FMNL2: variants seen among roughly 807,000 people sequenced by gnomAD.
FMNL2 encodes the protein formin like 2, also known as formin-like protein 2.
A neutral mutation model predicts 130.2 loss-of-function variants in FMNL2; 51 were observed. That is an observed-to-expected ratio of 0.39 (90% CI 0.31 to 0.49). The LOEUF is 0.49. FMNL2 is among the 20% of genes least tolerant of loss of function. The pLI, the probability that FMNL2 is intolerant of heterozygous loss-of-function variation, is 0.85. For synonymous variants in FMNL2, 465 were observed against 467.1 expected, an observed-to-expected ratio of 1.00 and a Z score of 0.06; for missense variants, 977 against 1,316.2, an observed-to-expected ratio of 0.74 and a Z score of 3.99.
intron 6 of FMNL2, among the ~76,000 whole-genome samples, chr2:152,574,434 CAAAAAAAA>C (rs57776446): frequency 2.8e-5 from 3 of 106,962 alleles, no homozygotes; most frequent in Admixed American, 1.0e-4. Flanking sequence ...GACTCTGTCT[CAAAAAAAA>C]AAAAAAAAAA....
chr2:152,564,571 C>T (rs894576464), intron 6 of FMNL2, among the ~76,000 whole-genome samples: 33 of 151,876 alleles, frequency 2.2e-4, no homozygotes, highest in Admixed American at 1.3e-4. Context: ...AAAAACAACA[C>T]CAACAACAAA....
At chr2:152,400,453 T>A (rs1024760091) in intron 1 of FMNL2, among the ~76,000 whole-genome samples, 18 of 150,104 alleles carry the variant, frequency 1.2e-4, no homozygotes, top group Non-Finnish European at 2.4e-4. Flanking sequence ...ACAAAAAAAA[T>A]AAAAAAAATA....
intron 1 of FMNL2, among the ~76,000 whole-genome samples, chr2:152,346,950 G>A (rs1682158939): frequency 6.6e-6 from 1 of 151,268 alleles, no homozygotes; most frequent in South Asian, 2.1e-4. Context: ...AATTAGCTGG[G>A]CATAGTGGCA....
chr2:152,452,417 G>A (rs1688692754), intron 1 of FMNL2, among the ~76,000 whole-genome samples: 1 of 152,200 alleles, frequency 6.6e-6, no homozygotes, highest in African/African-American at 2.4e-5. Context: ...GTCGCCATTG[G>A]AAGTCTAGTC....
intron 1 of FMNL2, chr2:152,390,210 T>A (rs1685029164): frequency 1.4e-6 from 2 of 1,438,954 alleles, no homozygotes; most frequent in African/African-American, 2.8e-5. Context: ...CCGTGTAAAC[T>A]TCCGGCTGAA....
At chr2:152,464,087 G>A (rs1001071784) in intron 1 of FMNL2, among the ~76,000 whole-genome samples, 1 of 152,000 alleles carries the variant, frequency 6.6e-6, no homozygotes, top group Admixed American at 6.6e-5. Flanking sequence ...CATATGCAAC[G>A]ATGCCTGGCT....
chr2:152,620,445 C>A (rs545421678), intron 15 of FMNL2, among the ~76,000 whole-genome samples: 1 of 152,046 alleles, frequency 6.6e-6, no homozygotes, highest in Non-Finnish European at 1.5e-5. Context: ...TTTTGACTCA[C>A]GGAAACAAAG....
intron 1 of FMNL2, among the ~76,000 whole-genome samples, chr2:152,346,128 G>A (rs1178085668): frequency 6.6e-5 from 10 of 151,948 alleles, no homozygotes; most frequent in Non-Finnish European, 7.4e-5. Flanking sequence ...GGGTTCAAGC[G>A]ATTCTCCTGC....
At chr2:152,624,572 C>T (rs1681641012) in intron 15 of FMNL2, among the ~76,000 whole-genome samples, 1 of 152,114 alleles carries the variant, frequency 6.6e-6, no homozygotes, top group Non-Finnish European at 1.5e-5. Flanking sequence ...GGCAAGATGG[C>T]TCACGCCTGT....
At chr2:152,597,911 C>A (rs771200522) in intron 9 of FMNL2, among the ~76,000 whole-genome samples, 1 of 152,160 alleles carries the variant, frequency 6.6e-6, no homozygotes, top group Non-Finnish European at 1.5e-5. Flanking sequence ...TGGGGAAAAG[C>A]AAAGATGAAA....
intron 1 of FMNL2, among the ~76,000 whole-genome samples, chr2:152,394,210 C>T (rs974664084): frequency 1.3e-5 from 2 of 151,994 alleles, no homozygotes; most frequent in South Asian, 2.1e-4. Flanking sequence ...TTCTTACTAA[C>T]GATCATATCC....
intron 6 of FMNL2, among the ~76,000 whole-genome samples, chr2:152,568,994 A>G (rs993935191): frequency 1.3e-5 from 2 of 152,096 alleles, no homozygotes; most frequent in African/African-American, 4.8e-5. Context: ...TTTCATAGAC[A>G]CACCACTTAG....
intron 4 of FMNL2, among the ~76,000 whole-genome samples, chr2:152,550,634 G>A (rs1267709579): frequency 2.6e-5 from 4 of 152,214 alleles, no homozygotes; most frequent in Non-Finnish European, 5.9e-5. Context: ...TCAGGGATCT[G>A]GGATCAAAGC....
rs201793844 is a variant in FMNL2 at position 152,629,666 on chromosome 2, C to G, written c.2411C>G (p.Ala804Gly). 1.3e-6 allele frequency: 2 copies of G among 1,597,778 alleles called. No individual in the cohort carries two copies. The highest frequency in any genetic ancestry group is 1.7e-6 in the Non-Finnish European group (2 of 1,171,556). ...TTGATTGGAATCTAGCAACTACATGCGATTATAGCAGCATCTGTCTCTATA... is the reference window on the plus strand; with the variant it reads ...TTGATTGGAATCTAGCAACTACATGGGATTATAGCAGCATCTGTCTCTATA... ...SIQMLTPQLH[A>G]IIAASVSIKS... Residue 804 changes from alanine (A) to glycine (G), a missense_variant, in exon 19 of 26, where the codon GCG becomes GGG. Around this residue, in one of 4 missense-constraint regions of FMNL2, gnomAD observed 689 missense variants for 995.9 expected, o/e 0.69. Transcript: ENST00000288670.
At chr2:152,627,472 G>A (rs998767312) in intron 17 of FMNL2, among the ~76,000 whole-genome samples, 1 of 152,138 alleles carries the variant, frequency 6.6e-6, no homozygotes, top group Non-Finnish European at 1.5e-5. Context: ...AGGCTTCGAG[G>A]TGTAAATGAC....
rs111469572 is a variant in FMNL2 at position 152,464,086 on chromosome 2, C to T, written c.118-57857C>T. 7.8e-3 allele frequency among the ~76,000 whole-genome samples: 1,180 copies of T among 152,174 alleles called. 10 individuals carry two copies. Among genetic ancestry groups the T allele is most frequent in the African/African-American group, 0.024 (989 of 41,530 alleles). On this transcript the variant is annotated intron_variant, in intron 1 of 25. Coordinates refer to ENST00000288670, the MANE Select transcript of FMNL2 (RefSeq NM_052905.4). The stretch of plus-strand genomic sequence containing the variant: ...TAGCTGGGTTTACAGGCATATGCAA[C>T]GATGCCTGGCTAATTTTTTATTTTT...
At chr2:152,365,358 A>G (rs1050236302) in intron 1 of FMNL2, among the ~76,000 whole-genome samples, 1 of 152,142 alleles carries the variant, frequency 6.6e-6, no homozygotes, top group East Asian at 1.9e-4. Context: ...TGCTATGGCT[A>G]GAAGAACATA....
chr2:152,362,745 T>C (rs892447683), intron 1 of FMNL2, among the ~76,000 whole-genome samples: 1 of 152,198 alleles, frequency 6.6e-6, no homozygotes, highest in African/African-American at 2.4e-5. Context: ...AAATATCACT[T>C]AATACCTTAT....
In FMNL2 at chr2:152,636,473, A is replaced by T; in HGVS notation, c.2727A>T (p.Gly909=). Residue 909 remains glycine (G), a synonymous_variant, in exon 22 of 26, where the codon GGA becomes GGT. Coordinates refer to ENST00000288670, the MANE Select transcript of FMNL2 (RefSeq NM_052905.4). ...TGGATGTCAAGGAGCTCCAGAGGGG[A>T]ATGGACTTGACCAAGAGAGAGTACA... ...VLLDVKELQR[G]MDLTKREYTM... 5.0e-6 allele frequency: 8 copies of T among 1,612,170 alleles called. No individual in the cohort carries two copies. The African/African-American group carries it at 5.3e-5, about 11-fold the overall frequency.
Sources: gnomAD v4.1 joint callset for allele counts (sites outside exome capture counted in the v4.1 genomes callset) on GRCh38, gnomAD v4.1.1 for gene constraint, gnomAD v4.1.1 regional missense constraint, MANE v1.5 for transcripts, NCBI Gene and HGNC (gene_info 2026-07-23, HGNC 2026-07-21) for gene names.